Variants in SDK1 observed in about 807,000 individuals in gnomAD.
SDK1 encodes the protein protein sidekick-1.
In SDK1, 157 loss-of-function variants were observed where a neutral mutation model predicts 245.5. The ratio of observed to expected loss-of-function variants is 0.64; its 90% CI spans 0.56 to 0.73. SDK1 has a LOEUF of 0.73. SDK1 is among the 30% of genes least tolerant of loss of function. The pLI is 0.00. For missense variants in SDK1, 3,583 were observed against 3,002.3 expected (o/e 1.19, Z -4.52); for synonymous variants, 1,647 against 1,278.5 (o/e 1.29, Z -6.15).
intron 32 of SDK1, among the ~76,000 whole-genome samples, chr7:4,173,161 G>A (rs947654955): frequency 6.6e-6 from 1 of 152,212 alleles, no homozygotes; most frequent in Admixed American, 6.5e-5. Flanking sequence ...ACGAGGCTTC[G>A]TGGCCTCGTC....
chr7:4,183,283 G>A (rs1445121768), intron 35 of SDK1, among the ~76,000 whole-genome samples: 2 of 152,146 alleles, frequency 1.3e-5, no homozygotes, highest in Non-Finnish European at 2.9e-5. Context: ...AAGCAACTGG[G>A]AAAGTCACTA....
At chr7:4,163,362 AAATC>A (rs1262207355) in intron 32 of SDK1, among the ~76,000 whole-genome samples, 1 of 152,190 alleles carries the variant, frequency 6.6e-6, no homozygotes, top group African/African-American at 2.4e-5. Flanking sequence ...AGTCAGGAGA[AAATC>A]AAGAGGGGAA....
intron 17 of SDK1, among the ~76,000 whole-genome samples, chr7:4,037,094 C>A (rs1244232082): frequency 6.6e-6 from 1 of 152,146 alleles, no homozygotes; most frequent in Non-Finnish European, 1.5e-5. Flanking sequence ...TTCATAGATT[C>A]TTGCAAAACT....
intron 1 of SDK1, among the ~76,000 whole-genome samples, chr7:3,359,498 G>C (rs1472791666): frequency 6.6e-6 from 1 of 152,174 alleles, no homozygotes; most frequent in East Asian, 1.9e-4. Context: ...GTAGCCTTTA[G>C]TTTTTAATTT....
intron 5 of SDK1, among the ~76,000 whole-genome samples, chr7:3,863,952 G>C (rs1242908463): frequency 6.6e-6 from 1 of 152,172 alleles, no homozygotes; most frequent in Non-Finnish European, 1.5e-5. Flanking sequence ...ATACCTGGGA[G>C]TGGAATTGCT....
At chr7:3,341,804 C>A (rs1312062888) in intron 1 of SDK1, among the ~76,000 whole-genome samples, 1 of 152,188 alleles carries the variant, frequency 6.6e-6, no homozygotes, top group African/African-American at 2.4e-5. Context: ...TTGCCACAAA[C>A]CATATTGACA....
intron 32 of SDK1, among the ~76,000 whole-genome samples, chr7:4,171,167 G>A (rs952447029): frequency 2.0e-5 from 3 of 152,220 alleles, no homozygotes; most frequent in African/African-American, 7.2e-5. Context: ...TGGCCACAGG[G>A]TGTGGACGGA....
At chr7:4,028,267 G>A (rs946403058) in intron 17 of SDK1, among the ~76,000 whole-genome samples, 21 of 152,140 alleles carry the variant, frequency 1.4e-4, no homozygotes, top group African/African-American at 4.8e-4. Flanking sequence ...GGCATTGATA[G>A]GTAGAAGAAT....
chr7:3,375,772 G>A (rs1781339955), intron 1 of SDK1, among the ~76,000 whole-genome samples: 1 of 152,306 alleles, frequency 6.6e-6, no homozygotes, highest in East Asian at 1.9e-4. Context: ...GCCTTCAGAT[G>A]ACGGCAGCTC....
chr7:3,842,821 G>A, intron 5 of SDK1, among the ~76,000 whole-genome samples: 1 of 152,124 alleles, frequency 6.6e-6, no homozygotes, highest in East Asian at 1.9e-4. Context: ...AGAGCTATCT[G>A]AATCTGTAGA....
At chr7:3,516,577 A>G (rs753591888) in intron 1 of SDK1, among the ~76,000 whole-genome samples, 9 of 152,160 alleles carry the variant, frequency 5.9e-5, no homozygotes, top group Non-Finnish European at 1.3e-4. Flanking sequence ...TAGAGCTTCC[A>G]TGACCTCTTA....
At chr7:3,761,961 C>T (rs549688485) in intron 4 of SDK1, among the ~76,000 whole-genome samples, 106 of 152,244 alleles carry the variant, frequency 7.0e-4, no homozygotes, top group Non-Finnish European at 1.2e-3. Context: ...TATGACAAGC[C>T]TTTAGCTGCT....
intron 4 of SDK1, among the ~76,000 whole-genome samples, chr7:3,812,862 T>C (rs760775255): frequency 3.2e-4 from 49 of 152,350 alleles, no homozygotes; most frequent in Non-Finnish European, 5.0e-4. Flanking sequence ...TAGGGATTCA[T>C]GCATTCCATT....
intron 1 of SDK1, among the ~76,000 whole-genome samples, chr7:3,438,849 ATTTTTTTT>A (rs527596036): frequency 8.4e-5 from 11 of 131,180 alleles, no homozygotes; most frequent in South Asian, 2.4e-4. Context: ...TTGTATTAAT[ATTTTTTTT>A]TTTTTTTTTT....
chr7:4,022,352 G>A (rs946319983), intron 17 of SDK1, among the ~76,000 whole-genome samples: 2 of 152,160 alleles, frequency 1.3e-5, no homozygotes, highest in Non-Finnish European at 2.9e-5. Flanking sequence ...TGAGGTATCC[G>A]GGGAAATGAG....
chr7:4,227,626 A>G (rs552190295), intron 40 of SDK1, among the ~76,000 whole-genome samples: 1 of 152,304 alleles, frequency 6.6e-6, no homozygotes, highest in African/African-American at 2.4e-5. Context: ...GGAACCAGAA[A>G]TCTCAGGCAG....
chr7:3,999,140 A>G (rs1373683704), intron 14 of SDK1, among the ~76,000 whole-genome samples: 6 of 152,146 alleles, frequency 3.9e-5, no homozygotes, highest in African/African-American at 1.4e-4. Context: ...ACACACACAC[A>G]CGCACACACA....
At chr7:3,616,827 T>C (rs1161468978) in intron 1 of SDK1, among the ~76,000 whole-genome samples, 1 of 152,230 alleles carries the variant, frequency 6.6e-6, no homozygotes, top group Non-Finnish European at 1.5e-5. Flanking sequence ...TGCTACTTGA[T>C]GTTTATTAAA....
intron 24 of SDK1, 134 bp downstream of exon 24, chr7:4,113,573 A>G (rs1272259047): frequency 9.9e-7 from 1 of 1,009,146 alleles, no homozygotes; most frequent in Non-Finnish European, 1.4e-6. Context: ...TCAAACCAAA[A>G]AGTATTGCAT....
Sources: allele counts gnomAD v4.1 joint callset (sites outside exome capture counted in the v4.1 genomes callset), GRCh38; gene constraint gnomAD v4.1.1; transcripts MANE v1.5; gene names NCBI Gene and HGNC (gene_info 2026-07-23, HGNC 2026-07-21).